The following TSNARE1 variants were observed in gnomAD, a reference collection of about 807,000 sequenced individuals.
TSNARE1 encodes the protein t-SNARE domain-containing protein 1.
In TSNARE1, 49 loss-of-function variants were observed where a neutral mutation model predicts 62.0. The observed-to-expected ratio is 0.79, with a 90% CI of 0.63 to 1.00. The LOEUF (loss-of-function observed/expected upper bound fraction) is 1.00, where lower values mean the gene tolerates loss of function less well. TSNARE1 is among the 50% of genes least tolerant of loss of function. TSNARE1 has a pLI of 0.00. For synonymous variants in TSNARE1, 328 were observed against 294.4 expected (o/e 1.11, Z -1.17); for missense variants, 755 against 700.1 (o/e 1.08, Z -0.88).
intron 12 of TSNARE1, among the ~76,000 whole-genome samples, chr8:142,253,951 C>G (rs1195851949): frequency 5.9e-5 from 9 of 152,268 alleles, no homozygotes; most frequent in Non-Finnish European, 1.3e-4. Flanking sequence ...CTGTCAGACC[C>G]AAGACTGGAC....
chr8:142,279,010 G>A (rs1048351587), intron 11 of TSNARE1, among the ~76,000 whole-genome samples: 8 of 152,226 alleles, frequency 5.3e-5, no homozygotes, highest in African/African-American at 9.6e-5. Context: ...CATATGGGCT[G>A]AGGCTCCTCC....
chr8:142,226,995 C>T (rs1455788057), intron 13 of TSNARE1, among the ~76,000 whole-genome samples: 2 of 136,988 alleles, frequency 1.5e-5, no homozygotes, highest in African/African-American at 3.2e-5. Flanking sequence ...CCCCCCACTG[C>T]ACCCACACAG....
chr8:142,241,733 G>T (rs755223597), intron 12 of TSNARE1, among the ~76,000 whole-genome samples: 4 of 152,202 alleles, frequency 2.6e-5, no homozygotes, highest in Non-Finnish European at 5.9e-5. Flanking sequence ...TGGCAAAGTT[G>T]TCACCAATAC....
intron 12 of TSNARE1, chr8:142,272,662 C>CAGGT (rs1819783660): frequency 1.1e-6 from 1 of 894,600 alleles, no homozygotes; most frequent in Non-Finnish European, 1.3e-6. Context: ...CCCTCGCAAG[C>CAGGT]GGGAGCAGGA....
At position 142,331,616 on chromosome 8, in the gene TSNARE1, A is replaced by C. The variant is rs539042929; in HGVS notation, c.823+138T>G. The C allele has an allele frequency of 3.6e-4, 282 of 782,988 alleles. 1 individual carries two copies. The African/African-American group carries it at 4.5e-3, about 12-fold the overall frequency. 48.5% of individuals were successfully genotyped at this position (782,988 alleles called of 1,614,324 possible). ...GCACCCTCGCATCCAACGTCGCATC[A>C]GTGGACCCACGAAACCCGGGACTGC... On this transcript the variant is annotated intron_variant, in intron 5 of 13. Coordinates refer to ENST00000524325, the MANE Select transcript of TSNARE1 (RefSeq NM_145003.5).
At chr8:142,340,577 C>A (rs529959529) in intron 4 of TSNARE1, among the ~76,000 whole-genome samples, 1 of 152,094 alleles carries the variant, frequency 6.6e-6, no homozygotes, top group African/African-American at 2.4e-5. Context: ...AAGGGTGAAA[C>A]GACAAACTTT....
intron 4 of TSNARE1, among the ~76,000 whole-genome samples, chr8:142,343,666 C>T (rs55949558): frequency 0.31 from 46,290 of 148,924 alleles, 9,411 homozygotes; most frequent in African/African-American, 0.58. Context: ...AATGCACAGA[C>T]GGGTGGATGC....
At chr8:142,401,886 C>A (rs1298556759) in intron 1 of TSNARE1, among the ~76,000 whole-genome samples, 2 of 152,270 alleles carry the variant, frequency 1.3e-5, no homozygotes, top group East Asian at 3.9e-4. Flanking sequence ...GCGGTTCAGT[C>A]GGGGGAAGCA....
intron 10 of TSNARE1, among the ~76,000 whole-genome samples, chr8:142,292,713 G>A (rs916372253): frequency 1.3e-5 from 2 of 152,072 alleles, no homozygotes; most frequent in Non-Finnish European, 2.9e-5. Context: ...AGACTGTCCC[G>A]AGCCCCCAGA....
Position 142,345,810 on chromosome 8 carries a change from C to T in TSNARE1, c.171G>A (p.Val57=). Residue 57 remains valine, a synonymous_variant, in exon 3 of 14, where the codon GTG becomes GTA. Coordinates refer to ENST00000524325, the MANE Select transcript of TSNARE1 (RefSeq NM_145003.5). ...SPESKLQNRC[V]GKDGEGDLGP... is the part of the protein sequence containing the mutation. ...CCAGATCACCTTCCCCGTCCTTCCCCACACAGCGGTTCTGCAGCTTGCTCT... is the reference window on the plus strand; with the variant it reads ...CCAGATCACCTTCCCCGTCCTTCCCTACACAGCGGTTCTGCAGCTTGCTCT... 1.2e-6 allele frequency: 2 copies of T among 1,613,990 alleles called. No individual in the cohort carries two copies. The highest frequency in any genetic ancestry group is 8.5e-7 in the Non-Finnish European group (1 of 1,179,926).
Position 142,393,556 on chromosome 8 carries a change from T to C in TSNARE1, c.-40+9548A>G, listed in dbSNP as rs528381615. ...GTATGTGAATTTACAATGGTCACAA[T>C]AGTTTAATTTACAAAAAGATCCTGA... On this transcript the variant is annotated intron_variant, in intron 1 of 13. Transcript: ENST00000524325. Among the ~76,000 whole-genome samples the C allele has an allele frequency of 2.1e-4, 32 of 152,360 alleles. 1 individual carries two copies. In the South Asian group the frequency reaches 6.6e-3, roughly 32 times the overall value.
intron 13 of TSNARE1, among the ~76,000 whole-genome samples, chr8:142,227,793 T>C (rs1185196211): frequency 2.0e-5 from 3 of 152,276 alleles, no homozygotes. Context: ...GTCCTGGCCA[T>C]GCTGGCCCTG....
intron 10 of TSNARE1, among the ~76,000 whole-genome samples, chr8:142,289,197 G>A (rs189866471): frequency 2.0e-5 from 3 of 152,328 alleles, no homozygotes; most frequent in Admixed American, 1.3e-4. Flanking sequence ...CAAACAAAGC[G>A]GGAGGCAAAG....
intron 1 of TSNARE1, among the ~76,000 whole-genome samples, chr8:142,358,331 C>A (rs1587003379): frequency 6.6e-6 from 1 of 152,186 alleles, no homozygotes; most frequent in Middle Eastern, 3.4e-3. Context: ...TGCTAGGTTT[C>A]AGGACAAGGA....
chr8:142,359,640 C>T (rs1835011030), intron 1 of TSNARE1, among the ~76,000 whole-genome samples: 1 of 152,202 alleles, frequency 6.6e-6, no homozygotes, highest in Non-Finnish European at 1.5e-5. Flanking sequence ...ATCTGACTGG[C>T]CCCAGGCCAC....
intron 4 of TSNARE1, among the ~76,000 whole-genome samples, chr8:142,340,414 A>G (rs1832419590): frequency 6.6e-6 from 1 of 152,132 alleles, no homozygotes; most frequent in South Asian, 2.1e-4. Context: ...CAGACCGCAG[A>G]CTAGAGCTGC....
At position 142,285,027 on chromosome 8, in the gene TSNARE1, G is replaced by C. The variant is rs1797804789; in HGVS notation, c.1291-542C>G. On this transcript the variant is annotated intron_variant, in intron 10 of 13. Coordinates refer to ENST00000524325, the MANE Select transcript of TSNARE1 (RefSeq NM_145003.5). The stretch of plus-strand genomic sequence containing the variant: ...GCACTGCTCAGCAAATCCTAAAGAA[G>C]TGGGATAGATGGACGAACGGGTTCA... Among the ~76,000 whole-genome samples, 8 of 152,364 alleles carry C rather than the reference G, an allele frequency of 5.3e-5. No individual in the cohort carries two copies. The South Asian group carries it at 1.7e-3, about 32-fold the overall frequency.
chr8:142,396,097 C>A (rs1270756890), intron 1 of TSNARE1, among the ~76,000 whole-genome samples: 1 of 152,094 alleles, frequency 6.6e-6, no homozygotes, highest in Admixed American at 6.5e-5. Flanking sequence ...CCTCAGAACA[C>A]TGGCCCTCAT....
chr8:142,264,301 C>T (rs1472513347), intron 12 of TSNARE1, among the ~76,000 whole-genome samples: 1 of 152,164 alleles, frequency 6.6e-6, no homozygotes. Context: ...TTGAAGTGTT[C>T]TACACATTAC....
Sources: gnomAD v4.1 joint callset for allele counts (sites outside exome capture counted in the v4.1 genomes callset) on GRCh38, gnomAD v4.1.1 for gene constraint, MANE v1.5 for transcripts, NCBI Gene and HGNC (gene_info 2026-07-23, HGNC 2026-07-21) for gene names.